Variants in SNTG1 observed in about 807,000 individuals in gnomAD.
SNTG1 encodes syntrophin gamma 1.
Under a neutral mutation model 74.7 loss-of-function variants are expected in SNTG1, and 39 were observed. That is an observed-to-expected ratio of 0.52 (90% CI 0.40 to 0.68). The LOEUF is 0.68. SNTG1 is among the 30% of genes least tolerant of loss of function. The probability of loss-of-function intolerance (pLI) is 0.00; values close to 1 mark genes in which losing one functional copy is unlikely to be tolerated. For missense variants in SNTG1, 685 were observed against 609.5 expected, an observed-to-expected ratio of 1.12 and a Z score of -1.30; for synonymous variants, 254 against 217.1, an observed-to-expected ratio of 1.17 and a Z score of -1.49.
chr8:50,718,441 G>T (rs1334636689), intron 17 of SNTG1, among the ~76,000 whole-genome samples: 1 of 152,138 alleles, frequency 6.6e-6, no homozygotes, highest in African/African-American at 2.4e-5. Context: ...TTTGTTTCTC[G>T]TGCTTCTGTG....
intron 1 of SNTG1, among the ~76,000 whole-genome samples, chr8:49,944,649 A>G (rs1585606422): frequency 6.6e-6 from 1 of 151,564 alleles, no homozygotes. Flanking sequence ...TAATGGGTGC[A>G]GCACACTAGC....
intron 2 of SNTG1, among the ~76,000 whole-genome samples, chr8:50,313,801 T>A (rs2130769510): frequency 6.7e-6 from 1 of 150,012 alleles, no homozygotes; most frequent in African/African-American, 2.5e-5. Context: ...GTGATCAATA[T>A]CTTCTTTTAC....
intron 1 of SNTG1, among the ~76,000 whole-genome samples, chr8:50,047,202 G>A (rs1240107788): frequency 6.6e-6 from 1 of 152,006 alleles, no homozygotes; most frequent in African/African-American, 2.4e-5. Context: ...AGCCAGGTAT[G>A]GTGGTGCATG....
intron 1 of SNTG1, among the ~76,000 whole-genome samples, chr8:50,167,238 A>T (rs2082649807): frequency 6.7e-6 from 1 of 149,072 alleles, no homozygotes; most frequent in African/African-American, 2.5e-5. Flanking sequence ...TAACCTGCAC[A>T]ATGTGCACAT....
At chr8:50,210,690 A>C (rs930271878) in intron 2 of SNTG1, among the ~76,000 whole-genome samples, 1 of 152,192 alleles carries the variant, frequency 6.6e-6, no homozygotes, top group Admixed American at 6.6e-5. Context: ...TTTTAATGAC[A>C]ATCCCCTCCT....
intron 4 of SNTG1, among the ~76,000 whole-genome samples, chr8:50,408,603 G>A (rs1175268410): frequency 6.6e-6 from 1 of 152,188 alleles, no homozygotes; most frequent in African/African-American, 2.4e-5. Context: ...AGGATAAACA[G>A]TGAGATGTGA....
intron 2 of SNTG1, among the ~76,000 whole-genome samples, chr8:50,180,328 A>C (rs1024521636): frequency 6.6e-6 from 1 of 152,202 alleles, no homozygotes; most frequent in Non-Finnish European, 1.5e-5. Flanking sequence ...GTTATATAGG[A>C]TGAATTAGTC....
chr8:50,241,710 A>G (rs1350518096), intron 2 of SNTG1, among the ~76,000 whole-genome samples: 1 of 152,182 alleles, frequency 6.6e-6, no homozygotes. Context: ...CAGTTTTCAT[A>G]GTGTGCCAAC....
chr8:50,021,576 G>A (rs925665588), intron 1 of SNTG1, among the ~76,000 whole-genome samples: 1 of 152,112 alleles, frequency 6.6e-6, no homozygotes, highest in Admixed American at 6.6e-5. Flanking sequence ...GGTCAATCCT[G>A]TATCATGGTG....
intron 2 of SNTG1, among the ~76,000 whole-genome samples, chr8:50,241,712 T>A (rs2086171028): frequency 6.6e-6 from 1 of 152,194 alleles, no homozygotes; most frequent in Admixed American, 6.5e-5. Flanking sequence ...GTTTTCATAG[T>A]GTGCCAACAT....
intron 17 of SNTG1, among the ~76,000 whole-genome samples, chr8:50,743,610 A>G: frequency 6.6e-6 from 1 of 151,898 alleles, no homozygotes; most frequent in South Asian, 2.1e-4. Flanking sequence ...TCTGTTTGAC[A>G]TGGTATTATT....
At chr8:50,327,565 C>G (rs1476331503) in intron 2 of SNTG1, among the ~76,000 whole-genome samples, 1 of 152,006 alleles carries the variant, frequency 6.6e-6, no homozygotes, top group Non-Finnish European at 1.5e-5. Flanking sequence ...TTAAGTGGGT[C>G]TATTATAAAA....
chr8:50,265,640 G>T (rs1405395599), intron 2 of SNTG1, among the ~76,000 whole-genome samples: 1 of 151,908 alleles, frequency 6.6e-6, no homozygotes, highest in Non-Finnish European at 1.5e-5. Context: ...CCAAGAATAT[G>T]GAATAATAGG....
intron 1 of SNTG1, among the ~76,000 whole-genome samples, chr8:49,981,371 T>G: frequency 6.6e-6 from 1 of 152,194 alleles, no homozygotes; most frequent in African/African-American, 2.4e-5. Context: ...GCTCAGAAAT[T>G]TTACCCATGG....
chr8:50,320,536 T>TG (rs2090486527), intron 2 of SNTG1, among the ~76,000 whole-genome samples: 1 of 102,132 alleles, frequency 9.8e-6, no homozygotes, highest in Admixed American at 1.1e-4. Flanking sequence ...TCTTTATTAT[T>TG]GTTTTTTTTT....
intron 17 of SNTG1, among the ~76,000 whole-genome samples, chr8:50,726,432 C>T (rs2095500273): frequency 6.6e-6 from 1 of 152,086 alleles, no homozygotes; most frequent in Non-Finnish European, 1.5e-5. Flanking sequence ...TCAAGTGGGG[C>T]CCCTCAGGCA....
At chr8:50,001,458 G>C (rs1325901835) in intron 1 of SNTG1, among the ~76,000 whole-genome samples, 2 of 152,164 alleles carry the variant, frequency 1.3e-5, no homozygotes, top group African/African-American at 2.4e-5. Context: ...GGACAAGAGT[G>C]AGGCCTTGTC....
chr8:50,124,983 A>C (rs2081096227), intron 1 of SNTG1, among the ~76,000 whole-genome samples: 1 of 141,958 alleles, frequency 7.0e-6, no homozygotes, highest in Non-Finnish European at 1.6e-5. Flanking sequence ...CCTCTCATAA[A>C]TGTTACTATA....
At chr8:50,535,447 G>A (rs554680710) in intron 10 of SNTG1, among the ~76,000 whole-genome samples, 73 of 152,236 alleles carry the variant, frequency 4.8e-4, no homozygotes, top group African/African-American at 1.5e-3. Flanking sequence ...AGGAGAAAGA[G>A]TAATATGAAA....
Sources: allele counts gnomAD v4.1 joint callset (sites outside exome capture counted in the v4.1 genomes callset), GRCh38; gene constraint gnomAD v4.1.1; transcripts MANE v1.5; gene names NCBI Gene and HGNC (gene_info 2026-07-23, HGNC 2026-07-21).